FAM117A: variants seen among roughly 807,000 people sequenced by gnomAD.
FAM117A encodes the protein family with sequence similarity 117 member A, also known as protein FAM117A.
A neutral mutation model predicts 44.1 loss-of-function variants in FAM117A; 21 were observed. The ratio of observed to expected loss-of-function variants is 0.48; its 90% CI spans 0.34 to 0.69. The LOEUF is 0.69. Ranked by LOEUF, FAM117A falls within the 30% of genes least tolerant of loss-of-function variation. The pLI is 0.01. For missense variants in FAM117A, 498 were observed against 589.9 expected, an observed-to-expected ratio of 0.84 and a Z score of 1.61; for synonymous variants, 220 against 238.3, an observed-to-expected ratio of 0.92 and a Z score of 0.71.
chr17:49,731,404 A>G (rs1442204296), intron 2 of FAM117A, among the ~76,000 whole-genome samples: 1 of 152,254 alleles, frequency 6.6e-6, no homozygotes, highest in African/African-American at 2.4e-5. Context: ...AGCTGCTAAG[A>G]ATGAAGTCCT....
intron 2 of FAM117A, among the ~76,000 whole-genome samples, chr17:49,725,783 C>T (rs1255646709): frequency 6.6e-6 from 1 of 152,196 alleles, no homozygotes; most frequent in Non-Finnish European, 1.5e-5. Flanking sequence ...AACGTTTTTG[C>T]AGATGTATTA....
intron 1 of FAM117A, among the ~76,000 whole-genome samples, chr17:49,751,572 C>T (rs914572568): frequency 1.3e-5 from 2 of 151,266 alleles, no homozygotes; most frequent in Admixed American, 1.3e-4. Context: ...GAGTGAGACT[C>T]GGTCTCAAAA....
At chr17:49,716,591 G>A (rs751529978) in intron 6 of FAM117A, among the ~76,000 whole-genome samples, 5 of 152,258 alleles carry the variant, frequency 3.3e-5, no homozygotes, top group South Asian at 2.1e-4. Flanking sequence ...GACTGGGACC[G>A]GAACTCCAGA....
chr17:49,765,611 T>C (rs928851519), upstream of FAM117A: 1 of 152,224 alleles, frequency 6.6e-6, no homozygotes, highest in Admixed American at 6.5e-5. Context: ...AGTGTACTCT[T>C]GCAGTTTTGA....
chr17:49,728,945 A>G (rs750329304), intron 2 of FAM117A, among the ~76,000 whole-genome samples: 30 of 152,198 alleles, frequency 2.0e-4, no homozygotes, highest in Non-Finnish European at 2.9e-4. Flanking sequence ...CCTTGCCCCA[A>G]ATATTTGGGT....
upstream of FAM117A, chr17:49,765,683 C>T (rs1384733031): frequency 1.3e-5 from 2 of 152,082 alleles, no homozygotes; most frequent in African/African-American, 4.8e-5. Context: ...AAATGCTGTA[C>T]TACTTTTCCA....
At chr17:49,774,673 T>G (rs539081046) in intron 1 of FAM117A, among the ~76,000 whole-genome samples, 17 of 152,284 alleles carry the variant, frequency 1.1e-4, no homozygotes, top group African/African-American at 3.8e-4. Context: ...TGGTATTCCT[T>G]GTCAGCAACT....
chr17:49,765,767 A>T (rs934572819), upstream of FAM117A: 1 of 152,248 alleles, frequency 6.6e-6, no homozygotes, highest in Non-Finnish European at 1.5e-5. Flanking sequence ...CTCAGTCTTT[A>T]TAAGATTAAT....
At chr17:49,779,699 C>T (rs980498957) in intron 1 of FAM117A, among the ~76,000 whole-genome samples, 1 of 152,214 alleles carries the variant, frequency 6.6e-6, no homozygotes, top group Admixed American at 6.5e-5. Flanking sequence ...TGGGTCTTGA[C>T]CTGCTAAGTT....
chr17:49,719,483 C>T, intron 5 of FAM117A: 1 of 302,216 alleles, frequency 3.3e-6, no homozygotes, highest in Non-Finnish European at 6.1e-6. Context: ...CTGAAGATGA[C>T]CCCTGTCTGT....
chr17:49,786,409 G>A (rs768920032), intron 1 of FAM117A, among the ~76,000 whole-genome samples: 1 of 152,200 alleles, frequency 6.6e-6, no homozygotes, highest in Non-Finnish European at 1.5e-5. Flanking sequence ...TTCAGAGACT[G>A]TAAAACAGTA....
chr17:49,767,967 C>A (rs2073750197), upstream of FAM117A, among the ~76,000 whole-genome samples: 1 of 151,662 alleles, frequency 6.6e-6, no homozygotes, highest in African/African-American at 2.4e-5. Context: ...TTTTTTTAAT[C>A]TATAAGAGAC....
chr17:49,726,428 T>C (rs1212968961), intron 2 of FAM117A, among the ~76,000 whole-genome samples: 1 of 152,150 alleles, frequency 6.6e-6, no homozygotes, highest in Non-Finnish European at 1.5e-5. Context: ...GTCAGGCTGG[T>C]CTCGAACTCC....
intron 6 of FAM117A, 24 bp downstream of exon 6, chr17:49,717,489 G>C: frequency 1.2e-6 from 2 of 1,610,608 alleles, no homozygotes; most frequent in South Asian, 2.2e-5. Flanking sequence ...AGTCAGCCCT[G>C]CTGCCTCAGC....
At chr17:49,724,001 A>T (rs559339568) in intron 2 of FAM117A, among the ~76,000 whole-genome samples, 64 of 152,326 alleles carry the variant, frequency 4.2e-4, no homozygotes, top group African/African-American at 1.5e-3. Context: ...AAAAGGGCAG[A>T]CAGCACATCC....
intron 1 of FAM117A, among the ~76,000 whole-genome samples, chr17:49,743,728 C>CA (rs1276603053): frequency 3.3e-5 from 5 of 149,270 alleles, no homozygotes; most frequent in African/African-American, 1.2e-4. Context: ...GACTCTGTCT[C>CA]AAAAAAATAA....
rs1454382794 is a variant in FAM117A, at chr17:49,764,019, C to T, written c.69G>A (p.Gly23=). Residue 23 remains glycine (G), a synonymous_variant, in exon 1 of 8, where the codon GGG becomes GGA. Transcript: ENST00000240364. ...AWGPGRGGAG[G]LRRGCSPPAP... is the part of the protein sequence containing the mutation. Reference sequence around the variant, plus strand: ...CTGGGGGAGAGCAGCCCCGCCGGAGCCCCCCGGCCCCTCCGCGCCCCGGCC... The same window carrying T: ...CTGGGGGAGAGCAGCCCCGCCGGAGTCCCCCGGCCCCTCCGCGCCCCGGCC... 1.9e-5 allele frequency: 23 copies of T among 1,191,970 alleles called. No individual in the cohort carries two copies. The highest frequency in any genetic ancestry group is 1.9e-5 in the Non-Finnish European group (18 of 954,856). The allele number at this position is 1,191,970 out of a possible 1,614,324, so 73.8% of individuals were successfully genotyped here.
chr17:49,759,615 A>G (rs1284082081), intron 1 of FAM117A, among the ~76,000 whole-genome samples: 1 of 152,228 alleles, frequency 6.6e-6, no homozygotes, highest in Non-Finnish European at 1.5e-5. Flanking sequence ...TTCTGGCACC[A>G]GTAGCCACAC....
chr17:49,763,138 A>AC lies in FAM117A; in HGVS notation c.196+753dup, dbSNP rs2073729154. Among the ~76,000 whole-genome samples, 3 of 151,424 alleles carry AC rather than the reference A, an allele frequency of 2.0e-5. No individual in the cohort carries two copies. The South Asian group carries it at 6.3e-4, about 32-fold the overall frequency. On this transcript the variant is annotated intron_variant, in intron 1 of 7. Coordinates refer to ENST00000240364, the MANE Select transcript of FAM117A (RefSeq NM_030802.4). ...TCCCCCCCGCTACACACACACACACACACACACACACACACACACACACAC... is the reference window on the plus strand; with the variant it reads ...TCCCCCCCGCTACACACACACACACACCACACACACACACACACACACACAC...
Sources: allele counts gnomAD v4.1 joint callset (sites outside exome capture counted in the v4.1 genomes callset), GRCh38; gene constraint gnomAD v4.1.1; transcripts MANE v1.5; gene names NCBI Gene and HGNC (gene_info 2026-07-23, HGNC 2026-07-21).